Variants in LRMDA observed in about 807,000 individuals in gnomAD.
LRMDA encodes the protein leucine-rich melanocyte differentiation-associated protein.
Under a neutral mutation model 29.8 loss-of-function variants are expected in LRMDA, and 18 were observed. The observed-to-expected ratio is 0.60, with a 90% CI of 0.42 to 0.90. The LOEUF is 0.90. Among genes scored for constraint, LRMDA ranks in the 40% least tolerant of loss-of-function variants. LRMDA has a pLI of 0.00. For synonymous variants in LRMDA, 125 were observed against 109.4 expected (o/e 1.14, Z -0.89); for missense variants, 273 against 273.9 (o/e 1.00, Z 0.02).
intron 6 of LRMDA, among the ~76,000 whole-genome samples, chr10:76,437,876 C>T (rs1842261045): frequency 6.6e-6 from 1 of 152,146 alleles, no homozygotes; most frequent in Non-Finnish European, 1.5e-5. Context: ...AGTGGCTTTA[C>T]CTGTTTATTT....
intron 2 of LRMDA, among the ~76,000 whole-genome samples, chr10:75,442,596 T>C (rs1482880351): frequency 6.6e-6 from 1 of 152,236 alleles, no homozygotes; most frequent in African/African-American, 2.4e-5. Context: ...CTCTCTATTT[T>C]ATTCCGTTGG....
intron 2 of LRMDA, among the ~76,000 whole-genome samples, chr10:75,744,530 T>A (rs765377256): frequency 1.3e-5 from 2 of 152,152 alleles, no homozygotes; most frequent in Non-Finnish European, 2.9e-5. Context: ...TCATTCCTCA[T>A]CAGAGTTAGT....
At chr10:76,283,440 C>T (rs1840231348) in intron 5 of LRMDA, among the ~76,000 whole-genome samples, 1 of 152,158 alleles carries the variant, frequency 6.6e-6, no homozygotes. Context: ...GCTTGAGGGA[C>T]AGATCGGATT....
intron 5 of LRMDA, among the ~76,000 whole-genome samples, chr10:76,263,192 C>A (rs1839964701): frequency 6.6e-6 from 1 of 152,010 alleles, no homozygotes; most frequent in Non-Finnish European, 1.5e-5. Context: ...GGAGTTGATT[C>A]CAAGGCAAAC....
chr10:76,211,032 T>C (rs1366608276), intron 5 of LRMDA, among the ~76,000 whole-genome samples: 1 of 152,212 alleles, frequency 6.6e-6, no homozygotes, highest in Non-Finnish European at 1.5e-5. Context: ...TTGGAGGGTT[T>C]CCATTGGTCC....
intron 5 of LRMDA, among the ~76,000 whole-genome samples, chr10:76,196,625 T>A (rs1250195053): frequency 1.3e-5 from 2 of 152,204 alleles, no homozygotes; most frequent in Non-Finnish European, 2.9e-5. Context: ...AGATCCCCCC[T>A]CCATCCCACT....
At chr10:75,801,877 G>A (rs1184510768) in intron 2 of LRMDA, among the ~76,000 whole-genome samples, 1 of 152,228 alleles carries the variant, frequency 6.6e-6, no homozygotes, top group Non-Finnish European at 1.5e-5. Flanking sequence ...AAGAGATGAT[G>A]ATGATTGATC....
chr10:76,464,166 G>A (rs1241171884), intron 6 of LRMDA, among the ~76,000 whole-genome samples: 3 of 151,974 alleles, frequency 2.0e-5, no homozygotes, highest in Non-Finnish European at 2.9e-5. Flanking sequence ...TCATCCGCCC[G>A]CCTCGGCCTC....
intron 2 of LRMDA, among the ~76,000 whole-genome samples, chr10:76,030,312 A>C (rs2132500642): frequency 6.6e-6 from 1 of 152,274 alleles, no homozygotes; most frequent in East Asian, 1.9e-4. Context: ...AAATACACAC[A>C]GCCAACTCTA....
At chr10:75,716,767 TA>T (rs1400990326) in intron 2 of LRMDA, among the ~76,000 whole-genome samples, 2 of 152,196 alleles carry the variant, frequency 1.3e-5, no homozygotes, top group Non-Finnish European at 2.9e-5. Context: ...GGAGCCCATT[TA>T]CTCCACATAA....
chr10:75,692,260 T>C (rs112728436), intron 2 of LRMDA, among the ~76,000 whole-genome samples: 2 of 132,024 alleles, frequency 1.5e-5, no homozygotes, highest in African/African-American at 6.1e-5. Context: ...ATATATATAT[T>C]TTATATAAAT....
chr10:75,760,734 C>CT (rs796200543), intron 2 of LRMDA, among the ~76,000 whole-genome samples: 4 of 152,318 alleles, frequency 2.6e-5, no homozygotes, highest in African/African-American at 9.6e-5. Flanking sequence ...AACTCAGATC[C>CT]ATCAGTGAAA....
At chr10:76,053,452 G>C (rs912307610) in intron 4 of LRMDA, among the ~76,000 whole-genome samples, 2 of 152,154 alleles carry the variant, frequency 1.3e-5, no homozygotes, top group Admixed American at 1.3e-4. Context: ...ATTTACAAGG[G>C]TTGAATTGAT....
At chr10:76,428,075 G>A (rs550107069) in intron 6 of LRMDA, among the ~76,000 whole-genome samples, 1 of 151,276 alleles carries the variant, frequency 6.6e-6, no homozygotes, top group African/African-American at 2.4e-5. Flanking sequence ...CTTTTTTTTT[G>A]TTGTGTCTCT....
intron 5 of LRMDA, among the ~76,000 whole-genome samples, chr10:76,319,814 G>A (rs10824398): frequency 0.26 from 39,375 of 152,000 alleles, 6,535 homozygotes; most frequent in East Asian, 0.45. Context: ...GGGTGAGCGA[G>A]CATGCCAAAG....
chr10:76,080,522 G>A (rs1034635618), intron 5 of LRMDA, among the ~76,000 whole-genome samples: 4 of 152,202 alleles, frequency 2.6e-5, no homozygotes, highest in African/African-American at 9.6e-5. Flanking sequence ...CTGAAAATAT[G>A]TGTATGAGAC....
At chr10:75,570,839 T>C (rs944235448) in intron 2 of LRMDA, among the ~76,000 whole-genome samples, 1 of 152,216 alleles carries the variant, frequency 6.6e-6, no homozygotes, top group African/African-American at 2.4e-5. Context: ...AGAAGTCCTT[T>C]TTGGCCGTAA....
intron 5 of LRMDA, among the ~76,000 whole-genome samples, chr10:76,258,955 G>C (rs1441631358): frequency 6.6e-6 from 1 of 152,080 alleles, no homozygotes; most frequent in Admixed American, 6.5e-5. Flanking sequence ...TTGATATGAT[G>C]ATTTCCTTTC....
intron 2 of LRMDA, among the ~76,000 whole-genome samples, chr10:75,929,701 T>C (rs994473605): frequency 3.9e-5 from 6 of 152,214 alleles, no homozygotes; most frequent in Non-Finnish European, 5.9e-5. Flanking sequence ...TTTAGAATTT[T>C]GGTTTTGTTT....
Sources: allele counts gnomAD v4.1 joint callset (sites outside exome capture counted in the v4.1 genomes callset), GRCh38; gene constraint gnomAD v4.1.1; transcripts MANE v1.5; gene names NCBI Gene and HGNC (gene_info 2026-07-23, HGNC 2026-07-21).